SDK1: variants seen among roughly 807,000 people sequenced by gnomAD.
SDK1 encodes the protein protein sidekick-1.
A neutral mutation model predicts 245.5 loss-of-function variants in SDK1; 157 were observed. The ratio of observed to expected loss-of-function variants is 0.64; its 90% CI spans 0.56 to 0.73. The LOEUF is 0.73. SDK1 is among the 30% of genes least tolerant of loss of function. SDK1 has a pLI of 0.00. For missense variants in SDK1, 3,583 were observed against 3,002.3 expected (o/e 1.19, Z -4.52); for synonymous variants, 1,647 against 1,278.5 (o/e 1.29, Z -6.15).
Position 4,094,727 on chromosome 7 carries a change from G to C in SDK1, c.3324+15143G>C, listed in dbSNP as rs548405020. Among the ~76,000 whole-genome samples, 3 of 152,318 alleles carry C rather than the reference G, an allele frequency of 2.0e-5. No individual in the cohort carries two copies. The East Asian group carries it at 5.8e-4, about 29-fold the overall frequency. On this transcript the variant is annotated intron_variant, in intron 22 of 44. Coordinates refer to ENST00000404826, the MANE Select transcript of SDK1 (RefSeq NM_152744.4). Reference sequence around the variant, plus strand: ...ACCATTGACATCGGGATTGCAGCGAGAGAAAGTGAGGTGTGTCTTTCAGGG... The same window carrying C: ...ACCATTGACATCGGGATTGCAGCGACAGAAAGTGAGGTGTGTCTTTCAGGG...
chr7:3,380,684 C>A (rs1015687118), intron 1 of SDK1, among the ~76,000 whole-genome samples: 1 of 152,284 alleles, frequency 6.6e-6, no homozygotes, highest in East Asian at 1.9e-4. Context: ...AGGAGACTGA[C>A]TCTTTCTGTC....
chr7:3,573,461 G>T (rs1482954011), intron 1 of SDK1, among the ~76,000 whole-genome samples: 3 of 146,914 alleles, frequency 2.0e-5, no homozygotes, highest in African/African-American at 7.4e-5. Context: ...AGGGAAGACA[G>T]GCTTTGGGGA....
At chr7:4,102,886 G>T (rs1584139142) in intron 22 of SDK1, among the ~76,000 whole-genome samples, 1 of 145,478 alleles carries the variant, frequency 6.9e-6, no homozygotes, top group Non-Finnish European at 1.5e-5. Context: ...GGTGGCATTT[G>T]AAATAGATGC....
rs1283705181 is a variant in SDK1, at chr7:3,516,902, G to A, written c.299-102178G>A. Among the ~76,000 whole-genome samples, 4 of 152,090 alleles carry A rather than the reference G, an allele frequency of 2.6e-5. No homozygotes were observed. In the South Asian group the frequency reaches 6.2e-4, roughly 24 times the overall value. On this transcript the variant is annotated intron_variant, in intron 1 of 44. Coordinates refer to ENST00000404826, the MANE Select transcript of SDK1 (RefSeq NM_152744.4). The stretch of plus-strand genomic sequence containing the variant: ...ACATGAAAAAGTGCTCATTTCAAGG[G>A]TATTAAGTGCCATGTTGGGTCAGAT...
At chr7:3,426,373 G>C (rs1044882602) in intron 1 of SDK1, among the ~76,000 whole-genome samples, 26 of 152,208 alleles carry the variant, frequency 1.7e-4, no homozygotes, top group African/African-American at 2.4e-5. Flanking sequence ...TCAGGTTGTA[G>C]GTGTGGAGTT....
At chr7:3,315,983 A>G (rs1779654424) in intron 1 of SDK1, among the ~76,000 whole-genome samples, 1 of 152,194 alleles carries the variant, frequency 6.6e-6, no homozygotes, top group Admixed American at 6.5e-5. Context: ...CATTTGTACC[A>G]TCGATTTCTG....
In SDK1 at chr7:4,233,020, C is replaced by A. The variant is rs78176663; in HGVS notation, c.5828-235C>A. On this transcript the variant is annotated intron_variant, in intron 40 of 44. Coordinates refer to ENST00000404826, the MANE Select transcript of SDK1 (RefSeq NM_152744.4). ...TTCCCACTATGACCATTTCAAGTGT[C>A]CAGTTCAGTAGCATTGAGCACGTTG... 1,332 of 452,466 alleles carry A rather than the reference C, an allele frequency of 2.9e-3. 13 individuals carry two copies. The highest frequency in any genetic ancestry group is 0.023 in the African/African-American group (1,176 of 52,208). 28.0% of individuals were successfully genotyped at this position (452,466 alleles called of 1,614,324 possible). A position where few individuals can be genotyped will look rare whatever the true frequency, so the allele number is the denominator to read the frequency against.
chr7:3,555,619 TCAA>T (rs1191273086), intron 1 of SDK1, among the ~76,000 whole-genome samples: 1 of 151,868 alleles, frequency 6.6e-6, no homozygotes, highest in Non-Finnish European at 1.5e-5. Context: ...AGGAAAACAA[TCAA>T]CAAAGCAAAG....
intron 1 of SDK1, among the ~76,000 whole-genome samples, chr7:3,412,380 T>C (rs1438435503): frequency 1.3e-5 from 2 of 152,212 alleles, no homozygotes; most frequent in African/African-American, 4.8e-5. Flanking sequence ...TTGCCTTTTT[T>C]CTCACTCAAC....
chr7:3,572,938 A>G (rs567045173), intron 1 of SDK1, among the ~76,000 whole-genome samples: 1 of 152,054 alleles, frequency 6.6e-6, no homozygotes, highest in Non-Finnish European at 1.5e-5. Flanking sequence ...ATTGATTAGA[A>G]TAGGAGGTGG....
intron 5 of SDK1, among the ~76,000 whole-genome samples, chr7:3,858,829 A>G (rs1237755725): frequency 6.7e-6 from 1 of 150,126 alleles, no homozygotes; most frequent in Non-Finnish European, 1.5e-5. Context: ...AGTTGTCCCA[A>G]AATTTAGTTG....
intron 4 of SDK1, among the ~76,000 whole-genome samples, chr7:3,746,303 T>TTGA (rs2115058773): frequency 6.6e-6 from 1 of 152,358 alleles, no homozygotes; most frequent in East Asian, 1.9e-4. Flanking sequence ...GCAAGTCTTT[T>TTGA]TGATGGTACA....
chr7:3,370,680 A>G (rs987166811), intron 1 of SDK1, among the ~76,000 whole-genome samples: 2 of 152,246 alleles, frequency 1.3e-5, no homozygotes, highest in African/African-American at 2.4e-5. Context: ...ATGGCTGGTG[A>G]AACAGATTGC....
intron 1 of SDK1, among the ~76,000 whole-genome samples, chr7:3,475,775 G>A (rs1199522928): frequency 1.3e-5 from 2 of 152,120 alleles, no homozygotes; most frequent in Non-Finnish European, 2.9e-5. Flanking sequence ...GTACAAGACA[G>A]TCTTCCACAG....
At position 3,321,834 on chromosome 7, in the gene SDK1, T is replaced by C. The variant is rs558502969; in HGVS notation, c.298+19950T>C. Among the ~76,000 whole-genome samples the C allele has an allele frequency of 6.2e-3, 857 of 139,146 alleles. 18 individuals carry two copies. Among genetic ancestry groups the C allele is most frequent in the African/African-American group, 0.023 (806 of 35,322 alleles). The allele number at this position is 139,146 out of a possible 152,430, so 91.3% of individuals were successfully genotyped here. A position where few individuals can be genotyped will look rare whatever the true frequency, so the allele number is the denominator to read the frequency against. ...CTTCCTTCCTTCCTTCCTTCCTCCTTTTCTCTCTCTCTCTCTCTCTTTCTC... is the reference window on the plus strand; with the variant it reads ...CTTCCTTCCTTCCTTCCTTCCTCCTCTTCTCTCTCTCTCTCTCTCTTTCTC... On this transcript the variant is annotated intron_variant, in intron 1 of 44. Coordinates refer to ENST00000404826, the MANE Select transcript of SDK1 (RefSeq NM_152744.4).
At chr7:3,990,444 G>C (rs570868199) in intron 14 of SDK1, among the ~76,000 whole-genome samples, 3 of 152,334 alleles carry the variant, frequency 2.0e-5, no homozygotes, top group South Asian at 4.1e-4. Flanking sequence ...CTGACCGAAC[G>C]GGGAAGGCCA....
At chr7:4,209,894 A>G in intron 37 of SDK1, 131 bp from the exon 38 acceptor site, 1 of 848,094 alleles carries the variant, frequency 1.2e-6, no homozygotes, top group Non-Finnish European at 1.7e-6. Flanking sequence ...TCATTTTATG[A>G]CATTCAGACT....
chr7:3,940,167 ACTT>A (rs1780304267), intron 5 of SDK1, among the ~76,000 whole-genome samples: 1 of 147,478 alleles, frequency 6.8e-6, no homozygotes, highest in Non-Finnish European at 1.5e-5. Context: ...GACCTACAGA[ACTT>A]CTCATTGTCA....
intron 1 of SDK1, among the ~76,000 whole-genome samples, chr7:3,552,902 A>C (rs1236335853): frequency 1.3e-5 from 2 of 152,218 alleles, no homozygotes; most frequent in Admixed American, 6.5e-5. Flanking sequence ...GTTTATCTGA[A>C]GATTGTGCAG....
Sources: gnomAD v4.1 joint callset for allele counts (sites outside exome capture counted in the v4.1 genomes callset) on GRCh38, gnomAD v4.1.1 for gene constraint, MANE v1.5 for transcripts, NCBI Gene and HGNC (gene_info 2026-07-23, HGNC 2026-07-21) for gene names.